The following GPC5 variants were observed in gnomAD, a reference collection of about 807,000 sequenced individuals.
GPC5 encodes the protein glypican-5.
A neutral mutation model predicts 53.9 loss-of-function variants in GPC5; 47 were observed. The ratio of observed to expected loss-of-function variants is 0.87; its 90% CI spans 0.69 to 1.11. The LOEUF is 1.11. Ranked by LOEUF, GPC5 falls within the 50% of genes most tolerant of loss-of-function variation. The pLI, the probability that GPC5 is intolerant of heterozygous loss-of-function variation, is 0.00. For missense variants in GPC5, 748 were observed against 713.1 expected (o/e 1.05, Z -0.56); for synonymous variants, 286 against 263.3 (o/e 1.09, Z -0.84).
intron 7 of GPC5, among the ~76,000 whole-genome samples, chr13:92,479,884 G>A (rs530339512): frequency 3.9e-5 from 6 of 152,238 alleles, no homozygotes; most frequent in South Asian, 2.1e-4. Flanking sequence ...GATAACTTGC[G>A]ATGTAAAATG....
chr13:92,294,191 G>A (rs2043017653), intron 7 of GPC5, among the ~76,000 whole-genome samples: 1 of 152,118 alleles, frequency 6.6e-6, no homozygotes, highest in East Asian at 1.9e-4. Flanking sequence ...TGGTATTAGT[G>A]TGATACTGGC....
At chr13:92,672,957 G>T (rs1390194334) in intron 7 of GPC5, among the ~76,000 whole-genome samples, 2 of 152,086 alleles carry the variant, frequency 1.3e-5, no homozygotes, top group Non-Finnish European at 2.9e-5. Flanking sequence ...TCTGGATGAT[G>T]AAATAATCTG....
intron 7 of GPC5, among the ~76,000 whole-genome samples, chr13:92,344,956 T>C (rs567270241): frequency 2.6e-5 from 4 of 152,278 alleles, no homozygotes; most frequent in African/African-American, 9.6e-5. Context: ...GAAGAGAATA[T>C]CATTGATTTC....
intron 6 of GPC5, among the ~76,000 whole-genome samples, chr13:92,014,799 C>T (rs1255496827): frequency 6.6e-6 from 1 of 152,090 alleles, no homozygotes; most frequent in African/African-American, 2.4e-5. Flanking sequence ...AATATACTTA[C>T]ACTGTTGTAT....
At chr13:92,232,900 C>A (rs562517516) in intron 7 of GPC5, among the ~76,000 whole-genome samples, 1 of 152,152 alleles carries the variant, frequency 6.6e-6, no homozygotes, top group African/African-American at 2.4e-5. Context: ...AGTATTGAAG[C>A]AGTTTTCAAG....
At chr13:91,700,699 T>C (rs957940170) in intron 3 of GPC5, among the ~76,000 whole-genome samples, 1 of 152,216 alleles carries the variant, frequency 6.6e-6, no homozygotes, top group Non-Finnish European at 1.5e-5. Flanking sequence ...CATCTTCTTC[T>C]TTCCAGGTTA....
intron 7 of GPC5, among the ~76,000 whole-genome samples, chr13:92,436,320 C>T (rs1290173100): frequency 1.3e-5 from 2 of 151,246 alleles, no homozygotes; most frequent in Non-Finnish European, 2.9e-5. Context: ...AATATGAATA[C>T]TGTTTCAGCT....
chr13:91,826,374 G>A lies in GPC5; in HGVS notation c.1280+69954G>A, dbSNP rs572603073. Among the ~76,000 whole-genome samples, 84 of 152,068 alleles carry A rather than the reference G, an allele frequency of 5.5e-4. 1 individual carries two copies. The highest frequency in any genetic ancestry group is 2.0e-3 in the African/African-American group (82 of 41,508). On this transcript the variant is annotated intron_variant, in intron 5 of 7. Coordinates refer to ENST00000377067, the MANE Select transcript of GPC5 (RefSeq NM_004466.6). ...CAAGAGTACCAAATGGAAATTTGAA[G>A]TACAGTTTCTATTGAAAGTATATTG...
chr13:92,526,169 G>T (rs942683474), intron 7 of GPC5, among the ~76,000 whole-genome samples: 1 of 152,090 alleles, frequency 6.6e-6, no homozygotes, highest in Non-Finnish European at 1.5e-5. Context: ...TCCAGGTATT[G>T]TTCCACAGTA....
chr13:91,456,698 T>G (rs974892349), intron 2 of GPC5, among the ~76,000 whole-genome samples: 5 of 152,182 alleles, frequency 3.3e-5, no homozygotes, highest in Admixed American at 1.3e-4. Flanking sequence ...AAAAAATTTT[T>G]ACCCCGTGGA....
chr13:92,756,998 A>C (rs200484747), intron 7 of GPC5, among the ~76,000 whole-genome samples: 2 of 151,884 alleles, frequency 1.3e-5, no homozygotes, highest in African/African-American at 4.8e-5. Context: ...GTTCATATGG[A>C]ACCAAAAAAG....
At chr13:92,011,716 T>C (rs2040663233) in intron 6 of GPC5, among the ~76,000 whole-genome samples, 1 of 152,316 alleles carries the variant, frequency 6.6e-6, no homozygotes, top group East Asian at 1.9e-4. Context: ...CAATTAAACA[T>C]TTAAAAATCA....
At chr13:92,122,870 A>T (rs998289990) in intron 6 of GPC5, among the ~76,000 whole-genome samples, 13 of 151,980 alleles carry the variant, frequency 8.6e-5, no homozygotes, top group Non-Finnish European at 1.9e-4. Context: ...CTGGCAACAA[A>T]AAAAAGCAAT....
intron 4 of GPC5, among the ~76,000 whole-genome samples, chr13:91,752,379 C>T (rs1456003073): frequency 6.6e-6 from 1 of 152,144 alleles, no homozygotes; most frequent in Non-Finnish European, 1.5e-5. Context: ...GCCACCACGC[C>T]TGGCCCCTGA....
chr13:92,818,004 A>C lies in GPC5; in HGVS notation c.1562-48278A>C, dbSNP rs141581579. Among the ~76,000 whole-genome samples the C allele has an allele frequency of 1.1e-3, 164 of 147,016 alleles. 2 individuals are homozygous for C. Among genetic ancestry groups the C allele is most frequent in the Non-Finnish European group, 2.1e-4 (14 of 67,448 alleles). On this transcript the variant is annotated intron_variant, in intron 7 of 7. Transcript: ENST00000377067. The stretch of plus-strand genomic sequence containing the variant: ...GGTAATGGATGGACATCTTGCCTAA[A>C]TTGCATTTTTTTTTTTTTTTTTTCT...
At chr13:91,680,836 C>A (rs1189012739) in intron 2 of GPC5, among the ~76,000 whole-genome samples, 2 of 151,872 alleles carry the variant, frequency 1.3e-5, no homozygotes, top group Non-Finnish European at 2.9e-5. Flanking sequence ...TTAAGTGAGA[C>A]AATAATGAAA....
chr13:91,556,148 C>T (rs1456974293), intron 2 of GPC5, among the ~76,000 whole-genome samples: 1 of 151,924 alleles, frequency 6.6e-6, no homozygotes, highest in African/African-American at 2.4e-5. Context: ...ATTTCAAGAA[C>T]ACTATATAAC....
At chr13:91,832,959 G>T (rs974720190) in intron 5 of GPC5, among the ~76,000 whole-genome samples, 3 of 151,596 alleles carry the variant, frequency 2.0e-5, no homozygotes, top group African/African-American at 4.9e-5. Flanking sequence ...CCAGGACCTG[G>T]TTTTTTGAAA....
intron 7 of GPC5, among the ~76,000 whole-genome samples, chr13:92,440,606 G>A (rs902342662): frequency 1.3e-5 from 2 of 152,104 alleles, no homozygotes; most frequent in Admixed American, 6.6e-5. Flanking sequence ...TTTCCTTTGG[G>A]TATATACCCA....
Sources: allele counts gnomAD v4.1 joint callset (sites outside exome capture counted in the v4.1 genomes callset), GRCh38; gene constraint gnomAD v4.1.1; transcripts MANE v1.5; gene names NCBI Gene and HGNC (gene_info 2026-07-23, HGNC 2026-07-21).